Variants in LRP1B observed in about 807,000 individuals in gnomAD.
The protein encoded by LRP1B is low-density lipoprotein receptor-related protein 1B.
A neutral mutation model predicts 556.6 loss-of-function variants in LRP1B; 217 were observed. The observed-to-expected ratio is 0.39, with a 90% confidence interval of 0.35 to 0.44. The LOEUF is 0.44. Ranked by LOEUF, LRP1B falls within the 20% of genes least tolerant of loss-of-function variation. The pLI is 1.00. For missense variants in LRP1B, 5,053 were observed against 5,620.8 expected, an observed-to-expected ratio of 0.90 and a Z score of 3.23; for synonymous variants, 2,047 against 1,865.8, an observed-to-expected ratio of 1.10 and a Z score of -2.50.
rs139027932 is a variant in LRP1B, at chr2:141,353,895, G to A, written c.344-99254C>T. 2.6e-3 allele frequency among the ~76,000 whole-genome samples: 393 copies of A among 151,958 alleles called. 3 individuals carry two copies. The highest frequency in any genetic ancestry group is 9.0e-3 in the African/African-American group (374 of 41,442). On this transcript the variant is annotated intron_variant, in intron 3 of 90. Transcript: ENST00000389484. ...TCTGAATATTAAGAAAATTTTCAGCGTAGCTACTTTCTTATCTTGACCCTT... is the reference window on the plus strand; with the variant it reads ...TCTGAATATTAAGAAAATTTTCAGCATAGCTACTTTCTTATCTTGACCCTT...
At chr2:140,584,881 CT>C (rs1461058401) in intron 43 of LRP1B, among the ~76,000 whole-genome samples, 2 of 151,698 alleles carry the variant, frequency 1.3e-5, no homozygotes, top group East Asian at 1.9e-4. Context: ...TTGGCCTTTT[CT>C]TTTTTTTAAG....
chr2:140,674,095 C>T (rs535596661), intron 41 of LRP1B, among the ~76,000 whole-genome samples: 1 of 151,788 alleles, frequency 6.6e-6, no homozygotes, highest in African/African-American at 2.4e-5. Context: ...ATTACAGGCG[C>T]CCACCACCAC....
intron 41 of LRP1B, among the ~76,000 whole-genome samples, chr2:140,638,737 A>G (rs144559890): frequency 0.017 from 2,648 of 152,140 alleles, 43 homozygotes; most frequent in Admixed American, 0.047. Flanking sequence ...ATGATTTTAT[A>G]TGTATTTGCA....
At chr2:140,939,503 T>C (rs1329596014) in intron 20 of LRP1B, among the ~76,000 whole-genome samples, 1 of 148,094 alleles carries the variant, frequency 6.8e-6, no homozygotes, top group African/African-American at 2.4e-5. Context: ...ATTTATAATA[T>C]AAAATTATAT....
At chr2:140,815,746 A>G (rs186622094) in intron 31 of LRP1B, among the ~76,000 whole-genome samples, 1 of 152,278 alleles carries the variant, frequency 6.6e-6, no homozygotes, top group Admixed American at 6.5e-5. Context: ...ATGAGGGAAG[A>G]AGCTAGGGAG....
intron 3 of LRP1B, among the ~76,000 whole-genome samples, chr2:141,435,052 T>C (rs998029270): frequency 1.3e-5 from 2 of 152,176 alleles, no homozygotes; most frequent in African/African-American, 2.4e-5. Context: ...GGACTAATAG[T>C]TTAATACTTT....
intron 1 of LRP1B, among the ~76,000 whole-genome samples, chr2:141,991,128 A>C (rs1702331956): frequency 6.6e-6 from 1 of 152,162 alleles, no homozygotes; most frequent in East Asian, 1.9e-4. Flanking sequence ...CATCTTCCTT[A>C]AACACTTAGT....
At chr2:141,951,267 G>A (rs1006013040) in intron 1 of LRP1B, among the ~76,000 whole-genome samples, 1 of 151,826 alleles carries the variant, frequency 6.6e-6, no homozygotes, top group African/African-American at 2.4e-5. Context: ...GGTAATTTCC[G>A]AGATTTCAGT....
At chr2:142,111,346 C>A (rs1384158639) in intron 1 of LRP1B, among the ~76,000 whole-genome samples, 1 of 152,040 alleles carries the variant, frequency 6.6e-6, no homozygotes, top group Non-Finnish European at 1.5e-5. Flanking sequence ...TGAGGACAAG[C>A]AGACTGACTT....
At chr2:140,929,053 A>G (rs1054666213) in intron 20 of LRP1B, among the ~76,000 whole-genome samples, 9 of 152,116 alleles carry the variant, frequency 5.9e-5, no homozygotes, top group African/African-American at 2.2e-4. Flanking sequence ...AATTTAATTT[A>G]CATTGCTTAA....
At position 140,822,129 on chromosome 2, in the gene LRP1B, A is replaced by C. The variant is rs574887409; in HGVS notation, c.5210-8323T>G. Among the ~76,000 whole-genome samples, 5 of 152,376 alleles carry C rather than the reference A, an allele frequency of 3.3e-5. No individual in the cohort carries two copies. The East Asian group carries it at 9.6e-4, about 29-fold the overall frequency. ...AGCCAAGTTCCTTTATATGAGGCTT[A>C]AGGGATAAAATTCATAATATAAGGG... On this transcript the variant is annotated intron_variant, in intron 31 of 90. Coordinates refer to ENST00000389484, the MANE Select transcript of LRP1B (RefSeq NM_018557.3).
At chr2:141,537,028 C>A (rs1290685437) in intron 2 of LRP1B, among the ~76,000 whole-genome samples, 5 of 151,678 alleles carry the variant, frequency 3.3e-5, no homozygotes, top group African/African-American at 1.2e-4. Context: ...AAAAAAAAAT[C>A]CCTGCTTTTC....
chr2:141,955,307 A>AAGTT (rs1370362885), intron 1 of LRP1B, among the ~76,000 whole-genome samples: 5 of 152,150 alleles, frequency 3.3e-5, no homozygotes, highest in African/African-American at 1.2e-4. Flanking sequence ...ATTGTCAACT[A>AAGTT]CCACATAATA....
At chr2:141,905,793 G>GTGTGTGTC (rs1699740381) in intron 1 of LRP1B, among the ~76,000 whole-genome samples, 1 of 150,590 alleles carries the variant, frequency 6.6e-6, no homozygotes, top group African/African-American at 2.4e-5. Flanking sequence ...GTGTGTGTGT[G>GTGTGTGTC]TGTGTGTGTG....
At chr2:140,663,143 C>G (rs1685155679) in intron 41 of LRP1B, among the ~76,000 whole-genome samples, 2 of 152,074 alleles carry the variant, frequency 1.3e-5, no homozygotes, top group Non-Finnish European at 2.9e-5. Context: ...ACTTATCAAC[C>G]AACAGAGAAT....
intron 2 of LRP1B, among the ~76,000 whole-genome samples, chr2:141,526,703 C>T (rs1223524676): frequency 6.6e-6 from 1 of 151,824 alleles, no homozygotes; most frequent in Admixed American, 6.6e-5. Context: ...TTTTCAAGGA[C>T]CTGGAACAGA....
chr2:140,923,293 A>T (rs771419341), intron 20 of LRP1B, 146 bp from the exon 21 acceptor site: 3 of 591,868 alleles, frequency 5.1e-6, no homozygotes, highest in Non-Finnish European at 8.8e-6. Context: ...TTTACTTTAG[A>T]TGGTTAATAA....
At chr2:140,741,136 C>T (rs535111248) in intron 35 of LRP1B, among the ~76,000 whole-genome samples, 3 of 152,120 alleles carry the variant, frequency 2.0e-5, no homozygotes, top group African/African-American at 7.2e-5. Context: ...TCAATGACCA[C>T]CATTCTTTAA....
intron 83 of LRP1B, among the ~76,000 whole-genome samples, chr2:140,305,446 G>T (rs1012653582): frequency 6.6e-6 from 1 of 151,960 alleles, no homozygotes; most frequent in Non-Finnish European, 1.5e-5. Flanking sequence ...CTCATGATTT[G>T]GCTCTCTGTC....
Sources: gnomAD v4.1 joint callset for allele counts (sites outside exome capture counted in the v4.1 genomes callset) on GRCh38, gnomAD v4.1.1 for gene constraint, MANE v1.5 for transcripts, NCBI Gene and HGNC (gene_info 2026-07-23, HGNC 2026-07-21) for gene names.